TCERG1L: variants seen among roughly 807,000 people sequenced by gnomAD.
TCERG1L encodes transcription elongation regulator 1-like protein.
A neutral mutation model predicts 56.3 loss-of-function variants in TCERG1L; 37 were observed. That is an observed-to-expected ratio of 0.66 (90% CI 0.51 to 0.87). The LOEUF (loss-of-function observed/expected upper bound fraction) is 0.87. TCERG1L is among the 40% of genes least tolerant of loss of function. The pLI is 0.00. For missense variants in TCERG1L, 799 were observed against 774.2 expected (o/e 1.03, Z -0.38); for synonymous variants, 324 against 326.3 (o/e 0.99, Z 0.08).
intron 3 of TCERG1L, among the ~76,000 whole-genome samples, chr10:131,282,339 A>C (rs77931357): frequency 0.077 from 11,249 of 145,612 alleles, 522 homozygotes; most frequent in African/African-American, 0.12. Flanking sequence ...TGGTGACATG[A>C]ATGGTGTTTT....
intron 4 of TCERG1L, among the ~76,000 whole-genome samples, chr10:131,231,865 G>A (rs1204421514): frequency 6.6e-6 from 1 of 152,198 alleles, no homozygotes; most frequent in Non-Finnish European, 1.5e-5. Flanking sequence ...GGAGTCTGGT[G>A]GAGAGGGGAG....
intron 4 of TCERG1L, among the ~76,000 whole-genome samples, chr10:131,230,996 C>G: frequency 7.4e-6 from 1 of 134,750 alleles, no homozygotes; most frequent in Admixed American, 6.9e-5. Flanking sequence ...TTTAGGGTAC[C>G]CCTGAGCACC....
intron 4 of TCERG1L, among the ~76,000 whole-genome samples, chr10:131,208,516 C>A (rs368551461): frequency 6.6e-6 from 1 of 152,220 alleles, no homozygotes; most frequent in African/African-American, 2.4e-5. Context: ...TGTGTCTGAG[C>A]AGACAGATTT....
chr10:131,262,691 G>C (rs536093956), intron 3 of TCERG1L, among the ~76,000 whole-genome samples: 40 of 152,250 alleles, frequency 2.6e-4, no homozygotes, highest in African/African-American at 9.4e-4. Context: ...TTCACCCTTT[G>C]TGCTGTGCAT....
chr10:131,108,888 C>T (rs574242220), intron 9 of TCERG1L, among the ~76,000 whole-genome samples: 30 of 152,312 alleles, frequency 2.0e-4, no homozygotes, highest in East Asian at 3.9e-4. Flanking sequence ...TGGCTCCGAG[C>T]GGCTGCCTGC....
At chr10:131,117,225 G>A (rs897625659) in intron 8 of TCERG1L, among the ~76,000 whole-genome samples, 7 of 152,144 alleles carry the variant, frequency 4.6e-5, no homozygotes, top group Non-Finnish European at 8.8e-5. Flanking sequence ...GCTGCCAACC[G>A]GCATGTCTCC....
At chr10:131,255,027 A>G (rs952961282) in intron 4 of TCERG1L, among the ~76,000 whole-genome samples, 2 of 151,864 alleles carry the variant, frequency 1.3e-5, no homozygotes, top group Admixed American at 6.6e-5. Flanking sequence ...TCTATGGAAC[A>G]CTGTGGGAGA....
chr10:131,206,041 G>C (rs539197758), intron 4 of TCERG1L, among the ~76,000 whole-genome samples: 2 of 152,346 alleles, frequency 1.3e-5, no homozygotes, highest in African/African-American at 4.8e-5. Context: ...CCTTTGTCTG[G>C]AAGACTCTGA....
intron 4 of TCERG1L, among the ~76,000 whole-genome samples, chr10:131,229,090 G>C (rs144993328): frequency 5.7e-5 from 5 of 87,870 alleles, no homozygotes; most frequent in South Asian, 3.8e-4. Flanking sequence ...CAAGGCCTCC[G>C]GAGTCTTCCC....
At chr10:131,268,401 T>C (rs1846307115) in intron 3 of TCERG1L, among the ~76,000 whole-genome samples, 1 of 152,236 alleles carries the variant, frequency 6.6e-6, no homozygotes, top group African/African-American at 2.4e-5. Context: ...CAGAGTAGAT[T>C]TAGCATCGTT....
At chr10:131,229,810 A>G (rs998401447) in intron 4 of TCERG1L, among the ~76,000 whole-genome samples, 1 of 152,178 alleles carries the variant, frequency 6.6e-6, no homozygotes, top group African/African-American at 2.4e-5. Flanking sequence ...GAATAAAGGC[A>G]TAGGGTAAGT....
At chr10:131,140,407 C>T (rs1194786531) in intron 7 of TCERG1L, among the ~76,000 whole-genome samples, 2 of 152,294 alleles carry the variant, frequency 1.3e-5, no homozygotes, top group Non-Finnish European at 2.9e-5. Flanking sequence ...CTACCCTACT[C>T]GCTCGGATCC....
chr10:131,300,904 G>A (rs1253593655), intron 3 of TCERG1L, among the ~76,000 whole-genome samples: 1 of 152,022 alleles, frequency 6.6e-6, no homozygotes, highest in African/African-American at 2.4e-5. Context: ...TGTATTCAGG[G>A]GGTGGACCTG....
intron 4 of TCERG1L, among the ~76,000 whole-genome samples, chr10:131,217,708 C>CGT (rs1845684598): frequency 1.3e-5 from 1 of 79,046 alleles, no homozygotes; most frequent in Non-Finnish European, 2.3e-5. Flanking sequence ...AGTAGCTGCC[C>CGT]TTTTTTTTTT....
At chr10:131,236,664 C>T (rs543443388) in intron 4 of TCERG1L, among the ~76,000 whole-genome samples, 1 of 152,332 alleles carries the variant, frequency 6.6e-6, no homozygotes, top group East Asian at 1.9e-4. Context: ...TCAGCTCTCT[C>T]CCTCCTTGGA....
chr10:131,261,538 G>A (rs1473717624), intron 3 of TCERG1L, among the ~76,000 whole-genome samples: 2 of 152,332 alleles, frequency 1.3e-5, no homozygotes, highest in African/African-American at 2.4e-5. Flanking sequence ...AGGGAAGATC[G>A]TTAGTGCCAG....
chr10:131,124,532 A>G (rs528660181), intron 8 of TCERG1L, among the ~76,000 whole-genome samples: 1 of 152,342 alleles, frequency 6.6e-6, no homozygotes, highest in African/African-American at 2.4e-5. Flanking sequence ...AAAAATTTAT[A>G]AAACAAGGTG....
intron 7 of TCERG1L, among the ~76,000 whole-genome samples, chr10:131,135,972 C>G (rs545283477): frequency 2.0e-5 from 3 of 152,220 alleles, no homozygotes; most frequent in Non-Finnish European, 2.9e-5. Flanking sequence ...GTGCTGACTC[C>G]GGAGCTGGAC....
intron 3 of TCERG1L, among the ~76,000 whole-genome samples, chr10:131,285,977 G>T (rs531831692): frequency 6.6e-6 from 1 of 152,050 alleles, no homozygotes; most frequent in South Asian, 2.1e-4. Context: ...ACCAGCATGG[G>T]GTACCAGCCA....
Sources: allele counts gnomAD v4.1 joint callset (sites outside exome capture counted in the v4.1 genomes callset), GRCh38; gene constraint gnomAD v4.1.1; transcripts MANE v1.5; gene names NCBI Gene and HGNC (gene_info 2026-07-23, HGNC 2026-07-21).